TNNI3K: variants seen among roughly 807,000 people sequenced by gnomAD.
TNNI3K encodes the protein TNNI3 interacting kinase, also known as serine/threonine-protein kinase TNNI3K.
In TNNI3K, 140 loss-of-function variants were observed where a neutral mutation model predicts 114.5. The observed-to-expected ratio is 1.22, with a 90% CI of 1.07 to 1.41. The LOEUF (loss-of-function observed/expected upper bound fraction) is 1.41. TNNI3K is among the 40% of genes most tolerant of loss of function. The pLI is 0.00. For missense variants in TNNI3K, 1,125 were observed against 1,007.6 expected (o/e 1.12, Z -1.58); for synonymous variants, 347 against 347.5 (o/e 1.00, Z 0.02).
At chr1:74,461,850 G>T (rs544451714) in intron 20 of TNNI3K, among the ~76,000 whole-genome samples, 14 of 152,214 alleles carry the variant, frequency 9.2e-5, no homozygotes, top group African/African-American at 3.1e-4. Context: ...ATGTTGAAAA[G>T]ATATTCTTTG....
chr1:74,331,607 GA>G, intron 6 of TNNI3K, 59 bp downstream of exon 6: 21 of 1,451,154 alleles, frequency 1.4e-5, no homozygotes, highest in Non-Finnish European at 1.9e-5. Context: ...GGCTTTTGTT[GA>G]ATTGTCCTAG....
chr1:74,494,449 C>T (rs1046125719), intron 23 of TNNI3K, among the ~76,000 whole-genome samples: 52 of 152,294 alleles, frequency 3.4e-4, no homozygotes, highest in African/African-American at 1.2e-3. Context: ...ACCACACAAA[C>T]TGGACACCAT....
At chr1:74,246,046 C>T (rs1654531704) in intron 2 of TNNI3K, among the ~76,000 whole-genome samples, 1 of 152,202 alleles carries the variant, frequency 6.6e-6, no homozygotes, top group South Asian at 2.1e-4. Context: ...TCACTTCTAT[C>T]AGCAATTTCC....
At chr1:74,517,997 G>A (rs17095498) in intron 23 of TNNI3K, among the ~76,000 whole-genome samples, 14,523 of 152,166 alleles carry the variant, frequency 0.095, 1,589 homozygotes, top group African/African-American at 0.27. Context: ...GTCAGCATAC[G>A]GTGGGAAGTC....
At chr1:74,295,527 T>C (rs1314692038) in intron 5 of TNNI3K, among the ~76,000 whole-genome samples, 1 of 152,188 alleles carries the variant, frequency 6.6e-6, no homozygotes, top group African/African-American at 2.4e-5. Flanking sequence ...TTTAAGCCTA[T>C]AGTAATAAAA....
At chr1:74,386,992 T>C (rs563995862) in intron 17 of TNNI3K, among the ~76,000 whole-genome samples, 4 of 152,332 alleles carry the variant, frequency 2.6e-5, no homozygotes, top group African/African-American at 9.6e-5. Flanking sequence ...GAGCCATTTG[T>C]TTACTTGTAA....
chr1:74,519,806 T>A (rs1414019523), intron 23 of TNNI3K, among the ~76,000 whole-genome samples: 1 of 152,198 alleles, frequency 6.6e-6, no homozygotes, highest in Non-Finnish European at 1.5e-5. Context: ...AAGTTTATAA[T>A]GTGTGTCATT....
intron 21 of TNNI3K, among the ~76,000 whole-genome samples, chr1:74,482,022 C>CA (rs1350644068): frequency 6.6e-5 from 10 of 152,178 alleles, no homozygotes; most frequent in African/African-American, 2.4e-4. Flanking sequence ...CCCTGCAGCA[C>CA]AAGCAAGCTT....
intron 23 of TNNI3K, among the ~76,000 whole-genome samples, chr1:74,519,444 T>C (rs1175803103): frequency 1.5e-5 from 2 of 130,992 alleles, no homozygotes; most frequent in Non-Finnish European, 3.0e-5. Context: ...TCTAGATCCC[T>C]GAGGAATCGC....
At chr1:74,294,662 C>A (rs1484270174) in intron 5 of TNNI3K, among the ~76,000 whole-genome samples, 2 of 151,992 alleles carry the variant, frequency 1.3e-5, no homozygotes, top group Non-Finnish European at 2.9e-5. Flanking sequence ...TTATTTCACC[C>A]AAATCTCCAA....
chr1:74,469,295 G>C (rs951109512), intron 21 of TNNI3K: 1 of 152,510 alleles, frequency 6.6e-6, no homozygotes, highest in Admixed American at 6.5e-5. Context: ...AAGTTTTAAA[G>C]ACTTCTACTT....
At chr1:74,388,479 C>A (rs1026417246) in intron 17 of TNNI3K, among the ~76,000 whole-genome samples, 4 of 152,058 alleles carry the variant, frequency 2.6e-5, no homozygotes, top group Non-Finnish European at 5.9e-5. Flanking sequence ...TAAAAATATA[C>A]CTTTTAACAG....
intron 5 of TNNI3K, among the ~76,000 whole-genome samples, chr1:74,322,042 A>C (rs1384772684): frequency 6.6e-6 from 1 of 152,220 alleles, no homozygotes; most frequent in Non-Finnish European, 1.5e-5. Flanking sequence ...AGGGCGTGGT[A>C]ACTCTAAAGC....
chr1:74,534,264 T>A (rs111897284), intron 23 of TNNI3K, among the ~76,000 whole-genome samples: 1 of 152,154 alleles, frequency 6.6e-6, no homozygotes, highest in Non-Finnish European at 1.5e-5. Context: ...TCTGTTATAA[T>A]TCACCAAATC....
intron 17 of TNNI3K, among the ~76,000 whole-genome samples, chr1:74,395,990 A>C (rs558866970): frequency 3.9e-5 from 6 of 152,172 alleles, no homozygotes; most frequent in Non-Finnish European, 7.4e-5. Flanking sequence ...GTGAATAATA[A>C]AACCCCATCC....
chr1:74,315,882 A>G (rs1659277061), intron 5 of TNNI3K, among the ~76,000 whole-genome samples: 1 of 152,198 alleles, frequency 6.6e-6, no homozygotes, highest in Non-Finnish European at 1.5e-5. Flanking sequence ...GACTAGGGAA[A>G]CAGCAAATCA....
chr1:74,346,098 T>C (rs773756063), intron 9 of TNNI3K: 1 of 152,200 alleles, frequency 6.6e-6, no homozygotes, highest in Non-Finnish European at 1.5e-5. Flanking sequence ...AGCAACAATT[T>C]GGCACATTGA....
chr1:74,265,929 G>A (rs533740085), intron 4 of TNNI3K, among the ~76,000 whole-genome samples: 1 of 151,864 alleles, frequency 6.6e-6, no homozygotes, highest in Admixed American at 6.6e-5. Context: ...ATAAATAATA[G>A]TGATTATATG....
chr1:74,470,538 G>A, intron 21 of TNNI3K: 1 of 400,670 alleles, frequency 2.5e-6, no homozygotes, highest in Non-Finnish European at 4.4e-6. Context: ...TTCTATTTTG[G>A]TATGGAATTG....
Sources: allele counts gnomAD v4.1 joint callset (sites outside exome capture counted in the v4.1 genomes callset), GRCh38; gene constraint gnomAD v4.1.1; transcripts MANE v1.5; gene names NCBI Gene and HGNC (gene_info 2026-07-23, HGNC 2026-07-21).